Variants in DNAH14 observed in about 807,000 individuals in gnomAD.
DNAH14 encodes the protein axonemal beta dynein heavy chain 14.
A neutral mutation model predicts 520.9 loss-of-function variants in DNAH14; 478 were observed. The observed-to-expected ratio is 0.92, with a 90% CI of 0.85 to 0.99. DNAH14 has a LOEUF of 0.99. Among genes scored for constraint, DNAH14 ranks in the 50% least tolerant of loss-of-function variants. The pLI is 0.00. For missense variants in DNAH14, 4,831 were observed against 5,234.5 expected, an observed-to-expected ratio of 0.92 and a Z score of 2.38; for synonymous variants, 1,581 against 1,757.2, an observed-to-expected ratio of 0.90 and a Z score of 2.51.
chr1:225,331,397 G>A (rs1276629600), intron 64 of DNAH14, 40 bp from the exon 65 acceptor site: 7 of 1,535,666 alleles, frequency 4.6e-6, no homozygotes, highest in Non-Finnish European at 6.2e-6. Flanking sequence ...CAAAATGAGA[G>A]TAAGATATTT....
chr1:225,067,688 G>A (rs2071061515), intron 17 of DNAH14, among the ~76,000 whole-genome samples: 1 of 151,936 alleles, frequency 6.6e-6, no homozygotes, highest in Admixed American at 6.6e-5. Flanking sequence ...AGCTCATTGT[G>A]GTTTTGATTT....
chr1:224,983,666 A>T (rs1395094355), intron 8 of DNAH14, among the ~76,000 whole-genome samples: 1 of 152,278 alleles, frequency 6.6e-6, no homozygotes, highest in East Asian at 1.9e-4. Flanking sequence ...CTCCTCCAGA[A>T]AGCTCCTAGC....
intron 60 of DNAH14, among the ~76,000 whole-genome samples, chr1:225,309,347 GCTACCTGCCCATGTTTTA>G (rs77885309): frequency 0.18 from 28,129 of 152,064 alleles, 2,993 homozygotes; most frequent in East Asian, 0.35. Context: ...ATCTTTTTAA[GCTACCTGCCCATGTTTTA>G]GGAGCTGACA....
intron 56 of DNAH14, among the ~76,000 whole-genome samples, chr1:225,301,865 G>A (rs1410976344): frequency 6.6e-6 from 1 of 151,894 alleles, no homozygotes; most frequent in Non-Finnish European, 1.5e-5. Context: ...TAATATGAGT[G>A]GATATCCTTA....
chr1:225,345,618 T>C (rs1028051364), intron 69 of DNAH14, among the ~76,000 whole-genome samples: 1 of 152,204 alleles, frequency 6.6e-6, no homozygotes, highest in African/African-American at 2.4e-5. Flanking sequence ...TTTTGAAAAT[T>C]GATTTTAATA....
At chr1:225,164,087 A>G (rs906701498) in intron 35 of DNAH14, among the ~76,000 whole-genome samples, 2 of 152,138 alleles carry the variant, frequency 1.3e-5, no homozygotes, top group African/African-American at 4.8e-5. Context: ...GATGTCTCTA[A>G]TTCTTTATTT....
intron 36 of DNAH14, among the ~76,000 whole-genome samples, chr1:225,181,957 C>G (rs2084069184): frequency 6.6e-6 from 1 of 152,102 alleles, no homozygotes; most frequent in Non-Finnish European, 1.5e-5. Flanking sequence ...GAGGCCGAGA[C>G]AGGTGGATCA....
chr1:225,045,248 A>G (rs1350688981), intron 15 of DNAH14, among the ~76,000 whole-genome samples: 1 of 147,078 alleles, frequency 6.8e-6, no homozygotes, highest in African/African-American at 2.5e-5. Context: ...TTTTTTCTTT[A>G]TTATGAAATG....
At chr1:225,285,097 C>T (rs890110209) in intron 54 of DNAH14, among the ~76,000 whole-genome samples, 2 of 152,156 alleles carry the variant, frequency 1.3e-5, no homozygotes, top group Non-Finnish European at 1.5e-5. Context: ...CTTACAATTT[C>T]TATTCAACAC....
At position 225,266,922 on chromosome 1, in the gene DNAH14, T is replaced by A. The variant is rs536184344; in HGVS notation, c.7539+153T>A. ...AAGTTGAGACCCTAAACTAACTATA[T>A]TAATCATATATTTGCAATGTAGGTC... On this transcript the variant is annotated intron_variant, in intron 49 of 85. Coordinates refer to ENST00000682510, the MANE Select transcript of DNAH14 (RefSeq NM_001367479.1). 2.2e-3 allele frequency among the ~76,000 whole-genome samples: 330 copies of A among 152,290 alleles called. 1 individual carries two copies. Among genetic ancestry groups the A allele is most frequent in the Middle Eastern group, 6.8e-3 (2 of 294 alleles).
intron 19 of DNAH14, among the ~76,000 whole-genome samples, chr1:225,081,405 A>C (rs1356458889): frequency 6.6e-6 from 1 of 152,226 alleles, no homozygotes; most frequent in Non-Finnish European, 1.5e-5. Flanking sequence ...TTTAGAAAAG[A>C]GAACAATTGG....
rs544067904 is a variant in DNAH14 at position 225,060,459 on chromosome 1, C to T, written c.2424+8664C>T. On this transcript the variant is annotated intron_variant, in intron 17 of 85. Transcript: ENST00000682510. ...TTTAACTTCTTTGCCATTGGTTCGA[C>T]CTTCCTCCTTTAGCTCAGAGTAGTT... 1.4e-3 allele frequency among the ~76,000 whole-genome samples: 208 copies of T among 152,234 alleles called. 1 individual carries two copies. The highest frequency in any genetic ancestry group is 1.3e-3 in the Non-Finnish European group (86 of 68,012).
At chr1:224,952,960 T>A in intron 2 of DNAH14, 181 bp downstream of exon 2, 1 of 404,532 alleles carries the variant, frequency 2.5e-6, no homozygotes, top group Non-Finnish European at 4.4e-6. Flanking sequence ...ACAGGCAAAT[T>A]AACCCTGGTT....
chr1:225,231,647 C>G (rs2091123736), intron 42 of DNAH14, among the ~76,000 whole-genome samples: 1 of 152,074 alleles, frequency 6.6e-6, no homozygotes, highest in South Asian at 2.1e-4. Context: ...TATTATGAGT[C>G]CTTAAAACAT....
chr1:225,034,038 T>A (rs1252431718), intron 11 of DNAH14, among the ~76,000 whole-genome samples: 3 of 152,172 alleles, frequency 2.0e-5, no homozygotes, highest in Non-Finnish European at 4.4e-5. Context: ...CTCTTCCTAT[T>A]TGGATGCACT....
At chr1:225,175,625 T>G (rs1260876234) in intron 36 of DNAH14, among the ~76,000 whole-genome samples, 1 of 151,750 alleles carries the variant, frequency 6.6e-6, no homozygotes, top group Non-Finnish European at 1.5e-5. Context: ...CTCCCTATTC[T>G]CTCATCTTTA....
At chr1:224,958,355 T>C (rs547509361) in intron 3 of DNAH14, among the ~76,000 whole-genome samples, 1 of 152,060 alleles carries the variant, frequency 6.6e-6, no homozygotes, top group African/African-American at 2.4e-5. Context: ...CCAATCCACG[T>C]AGGGCCTCTT....
At position 225,265,339 on chromosome 1, in the gene DNAH14, A is replaced by G. The variant is rs925363061; in HGVS notation, c.7380A>G (p.Lys2460=). ...TTAAGAAGTTAATAAGAAGAACTAA[A>G]GATACTCTTGGAGCACCAAAAAACA... is the stretch of plus-strand genomic sequence containing the variant. ...MILKKLIRRT[K]DTLGAPKNNR... is the part of the protein sequence containing the mutation. The change falls in exon 48 of 86, where the codon AAA becomes AAG. Residue 2460 remains lysine, a synonymous_variant. Transcript: ENST00000682510. 6 of 1,540,360 alleles carry G rather than the reference A, an allele frequency of 3.9e-6. No homozygotes were observed. Among genetic ancestry groups the G allele is most frequent in the Non-Finnish European group, 5.2e-6 (6 of 1,144,010 alleles).
intron 1 of DNAH14, among the ~76,000 whole-genome samples, chr1:224,950,710 G>T (rs2060113068): frequency 1.3e-5 from 2 of 152,204 alleles, no homozygotes; most frequent in African/African-American, 4.8e-5. Flanking sequence ...GGCCAAATCT[G>T]ACCTGCCACC....
Sources: gnomAD v4.1 joint callset for allele counts (sites outside exome capture counted in the v4.1 genomes callset) on GRCh38, gnomAD v4.1.1 for gene constraint, MANE v1.5 for transcripts, NCBI Gene and HGNC (gene_info 2026-07-23, HGNC 2026-07-21) for gene names.